AGBL4: variants seen among roughly 807,000 people sequenced by gnomAD.
AGBL4 encodes AGBL carboxypeptidase 4.
Under a neutral mutation model 66.4 loss-of-function variants are expected in AGBL4, and 58 were observed. That is an observed-to-expected ratio of 0.87 (90% CI 0.71 to 1.09). The LOEUF is 1.09. Ranked by LOEUF, AGBL4 falls within the 50% of genes least tolerant of loss-of-function variation. AGBL4 has a pLI of 0.00. For missense variants in AGBL4, 579 were observed against 631.0 expected (o/e 0.92, Z 0.88); for synonymous variants, 234 against 222.9 (o/e 1.05, Z -0.44).
At chr1:49,948,852 A>G (rs1000397753) in intron 1 of AGBL4, among the ~76,000 whole-genome samples, 2 of 151,720 alleles carry the variant, frequency 1.3e-5, no homozygotes, top group Non-Finnish European at 2.9e-5. Flanking sequence ...TAAAATTCAT[A>G]TGGAGCCAAA....
chr1:48,648,499 C>T (rs910511249), intron 8 of AGBL4, among the ~76,000 whole-genome samples: 1 of 152,192 alleles, frequency 6.6e-6, no homozygotes, highest in Admixed American at 6.5e-5. Flanking sequence ...AGAGAAGTGT[C>T]TTGTCCAAGG....
chr1:49,266,374 T>G (rs2148375232), intron 3 of AGBL4: 1 of 151,958 alleles, frequency 6.6e-6, no homozygotes, highest in African/African-American at 2.4e-5. Flanking sequence ...CTTCTCAAAA[T>G]AAATATCCAC....
At chr1:49,775,628 A>G (rs1270728600) in intron 2 of AGBL4, among the ~76,000 whole-genome samples, 1 of 152,110 alleles carries the variant, frequency 6.6e-6, no homozygotes, top group African/African-American at 2.4e-5. Context: ...TATAATTACC[A>G]TGTGTCTACA....
At chr1:49,527,167 T>A (rs1473811707) in intron 3 of AGBL4, 3 of 152,048 alleles carry the variant, frequency 2.0e-5, no homozygotes, top group African/African-American at 7.2e-5. Context: ...GTAATTCAGT[T>A]TTTTTGGTCT....
chr1:49,353,862 G>A (rs1410867097), intron 3 of AGBL4, among the ~76,000 whole-genome samples: 1 of 151,894 alleles, frequency 6.6e-6, no homozygotes, highest in Non-Finnish European at 1.5e-5. Flanking sequence ...TGAACTCCAG[G>A]GAAAGATCAT....
intron 5 of AGBL4, among the ~76,000 whole-genome samples, chr1:48,944,707 G>A (rs1032535460): frequency 6.6e-6 from 1 of 151,850 alleles, no homozygotes; most frequent in African/African-American, 2.4e-5. Flanking sequence ...TACCCCCAGG[G>A]GATTCTAATA....
At chr1:48,692,646 C>T (rs950007555) in intron 6 of AGBL4, among the ~76,000 whole-genome samples, 1 of 152,214 alleles carries the variant, frequency 6.6e-6, no homozygotes, top group Non-Finnish European at 1.5e-5. Context: ...GTCAGGGCTT[C>T]AGCTTCAGTC....
intron 5 of AGBL4, among the ~76,000 whole-genome samples, chr1:48,994,384 T>C (rs1266436284): frequency 1.3e-5 from 2 of 152,232 alleles, no homozygotes; most frequent in African/African-American, 4.8e-5. Flanking sequence ...TAGCATTTTC[T>C]ATATGTATCT....
chr1:49,919,230 G>T (rs1454374194), intron 1 of AGBL4, among the ~76,000 whole-genome samples: 1 of 152,094 alleles, frequency 6.6e-6, no homozygotes, highest in Non-Finnish European at 1.5e-5. Flanking sequence ...GGAAGTTCTG[G>T]CCAGGGCAAT....
At chr1:48,718,398 C>T (rs997222206) in intron 6 of AGBL4, among the ~76,000 whole-genome samples, 4 of 152,356 alleles carry the variant, frequency 2.6e-5, no homozygotes, top group Admixed American at 6.5e-5. Flanking sequence ...GGCCTATAAA[C>T]ACCTCCCAAA....
chr1:48,939,451 C>A (rs1460721435), intron 5 of AGBL4, among the ~76,000 whole-genome samples: 1 of 152,160 alleles, frequency 6.6e-6, no homozygotes, highest in Non-Finnish European at 1.5e-5. Flanking sequence ...CATTTTAGCA[C>A]TTTAATTAAC....
At chr1:49,302,888 C>T (rs1020097830) in intron 3 of AGBL4, among the ~76,000 whole-genome samples, 4 of 151,932 alleles carry the variant, frequency 2.6e-5, no homozygotes, top group Admixed American at 2.6e-4. Context: ...TTGTTCAGCT[C>T]TCACTTATAA....
intron 5 of AGBL4, among the ~76,000 whole-genome samples, chr1:48,996,838 C>CCTTCCTTG (rs1009375562): frequency 6.6e-6 from 1 of 151,682 alleles, no homozygotes; most frequent in African/African-American, 2.4e-5. Context: ...TTCCTTCCTT[C>CCTTCCTTG]CTTCCTTCCT....
At chr1:49,556,651 TGGATCCCGCGCAGGGGCCGCAGGC>T (rs1643905123) in intron 3 of AGBL4, among the ~76,000 whole-genome samples, 2 of 152,194 alleles carry the variant, frequency 1.3e-5, no homozygotes, top group South Asian at 4.1e-4. Flanking sequence ...CTTCGCCTAG[TGGATCCCGCGCAGGGGCCGCAGGC>T]GGAGCTGCCT....
chr1:48,712,652 T>C lies in AGBL4; in HGVS notation c.635-49411A>G, dbSNP rs150159763. ...GCACCCAGGAAGCATCCAGTAGCTG[T>C]TGGCATCACTGGACAGTCACACCTG... On this transcript the variant is annotated intron_variant, in intron 6 of 13. Coordinates refer to ENST00000371839, the MANE Select transcript of AGBL4 (RefSeq NM_032785.4). 4.2e-3 allele frequency among the ~76,000 whole-genome samples: 636 copies of C among 152,234 alleles called. 3 individuals carry two copies. Among genetic ancestry groups the C allele is most frequent in the Non-Finnish European group, 6.7e-3 (454 of 67,998 alleles).
intron 4 of AGBL4, among the ~76,000 whole-genome samples, chr1:49,109,038 A>G (rs1043993993): frequency 4.6e-5 from 7 of 152,298 alleles, no homozygotes; most frequent in Admixed American, 4.6e-4. Flanking sequence ...TTTTTCAAAC[A>G]TTCTATTATA....
intron 3 of AGBL4, among the ~76,000 whole-genome samples, chr1:49,627,137 A>C (rs2124334640): frequency 6.6e-6 from 1 of 152,210 alleles, no homozygotes; most frequent in South Asian, 2.1e-4. Flanking sequence ...GCTCATGGCC[A>C]CTTCTGAAGC....
chr1:49,285,050 C>T (rs1201928007), intron 3 of AGBL4, among the ~76,000 whole-genome samples: 2 of 151,870 alleles, frequency 1.3e-5, no homozygotes, highest in African/African-American at 4.8e-5. Context: ...AACTCTCCAC[C>T]CCAAATCAAC....
At chr1:49,721,654 T>C (rs1232813027) in intron 2 of AGBL4, among the ~76,000 whole-genome samples, 1 of 152,080 alleles carries the variant, frequency 6.6e-6, no homozygotes, top group Non-Finnish European at 1.5e-5. Context: ...ATGAGACTTG[T>C]AAAAAGCTTG....
Sources: allele counts gnomAD v4.1 joint callset (sites outside exome capture counted in the v4.1 genomes callset), GRCh38; gene constraint gnomAD v4.1.1; transcripts MANE v1.5; gene names NCBI Gene and HGNC (gene_info 2026-07-23, HGNC 2026-07-21).